DLGAP2: variants seen among roughly 807,000 people sequenced by gnomAD.
The protein encoded by DLGAP2 is disks large-associated protein 2.
Under a neutral mutation model 100.3 loss-of-function variants are expected in DLGAP2, and 26 were observed. The observed-to-expected ratio is 0.26, with a 90% CI of 0.19 to 0.36. The LOEUF is 0.36. Ranked by LOEUF, DLGAP2 falls within the 10% of genes least tolerant of loss-of-function variation. The pLI is 1.00. For missense variants in DLGAP2, 1,858 were observed against 1,453.2 expected (o/e 1.28, Z -4.53); for synonymous variants, 886 against 630.1 (o/e 1.41, Z -6.08).
chr8:1,372,919 G>A (rs1267769644), intron 3 of DLGAP2, among the ~76,000 whole-genome samples: 1 of 152,204 alleles, frequency 6.6e-6, no homozygotes, highest in Non-Finnish European at 1.5e-5. Context: ...TCCGTACGGG[G>A]CACTCTGAGT....
intron 1 of DLGAP2, among the ~76,000 whole-genome samples, chr8:797,824 C>G (rs1267850603): frequency 6.6e-6 from 1 of 152,136 alleles, no homozygotes; most frequent in African/African-American, 2.4e-5. Flanking sequence ...GATCTCTGCT[C>G]ACTGCAACCT....
intron 1 of DLGAP2, among the ~76,000 whole-genome samples, chr8:816,594 A>G (rs10282754): frequency 0.23 from 34,634 of 151,980 alleles, 4,653 homozygotes; most frequent in Non-Finnish European, 0.31. Context: ...GAAATCTGTT[A>G]ATCTGATAGG....
intron 2 of DLGAP2, among the ~76,000 whole-genome samples, chr8:1,213,959 C>G (rs1798160175): frequency 6.6e-6 from 1 of 152,132 alleles, no homozygotes; most frequent in Non-Finnish European, 1.5e-5. Flanking sequence ...TGTAATTTCC[C>G]CATCTCCAGC....
chr8:1,133,719 A>C (rs918197247), intron 2 of DLGAP2, among the ~76,000 whole-genome samples: 5 of 152,246 alleles, frequency 3.3e-5, no homozygotes, highest in African/African-American at 1.2e-4. Flanking sequence ...AATGTAAGCA[A>C]TAGAATTAAG....
intron 1 of DLGAP2, among the ~76,000 whole-genome samples, chr8:899,137 C>T (rs1798202337): frequency 6.6e-6 from 1 of 152,224 alleles, no homozygotes; most frequent in African/African-American, 2.4e-5. Context: ...TGTCTTCACG[C>T]CACTGACGCC....
intron 3 of DLGAP2, among the ~76,000 whole-genome samples, chr8:1,304,597 C>A (rs1206587362): frequency 2.0e-5 from 3 of 152,100 alleles, no homozygotes; most frequent in Non-Finnish European, 4.4e-5. Flanking sequence ...AAGATGAGTA[C>A]AATTGTTCTT....
At chr8:816,305 T>C (rs1796477339) in intron 1 of DLGAP2, among the ~76,000 whole-genome samples, 1 of 151,714 alleles carries the variant, frequency 6.6e-6, no homozygotes, top group African/African-American at 2.4e-5. Flanking sequence ...ATTGTTGTTA[T>C]ATGTAATAGG....
chr8:822,385 TG>T (rs1019612374), intron 1 of DLGAP2, among the ~76,000 whole-genome samples: 48 of 152,170 alleles, frequency 3.2e-4, no homozygotes, highest in African/African-American at 1.1e-3. Flanking sequence ...TGAGTGTTCC[TG>T]GGGCAGAAGC....
intron 1 of DLGAP2, among the ~76,000 whole-genome samples, chr8:804,907 G>C (rs1796239391): frequency 6.6e-6 from 1 of 152,024 alleles, no homozygotes; most frequent in South Asian, 2.1e-4. Context: ...TGGGACTGCA[G>C]GTGTGCACCA....
chr8:884,299 T>A (rs1261540326), intron 1 of DLGAP2, among the ~76,000 whole-genome samples: 2 of 152,148 alleles, frequency 1.3e-5, no homozygotes, highest in Admixed American at 6.5e-5. Context: ...CTCAGCAGTA[T>A]CTCTTGTTTC....
intron 1 of DLGAP2, among the ~76,000 whole-genome samples, chr8:894,843 A>T (rs113752776): frequency 0.27 from 933 of 3,406 alleles, 13 homozygotes; most frequent in Non-Finnish European, 0.32. Context: ...AACAGAGTGG[A>T]GGCTGGCAGG....
chr8:892,751 C>T (rs2128995890), intron 1 of DLGAP2, among the ~76,000 whole-genome samples: 1 of 152,230 alleles, frequency 6.6e-6, no homozygotes, highest in African/African-American at 2.4e-5. Flanking sequence ...GTAGGAGAGG[C>T]CGAGCCAGGC....
At chr8:1,486,215 C>A (rs1799232557) in intron 3 of DLGAP2, among the ~76,000 whole-genome samples, 2 of 152,168 alleles carry the variant, frequency 1.3e-5, no homozygotes, top group South Asian at 4.2e-4. Flanking sequence ...CATTACTTGC[C>A]CCAGATCATA....
chr8:1,663,086 T>A (rs1043147459), intron 8 of DLGAP2, among the ~76,000 whole-genome samples: 1 of 122,790 alleles, frequency 8.1e-6, no homozygotes, highest in African/African-American at 3.3e-5. Context: ...CGTTTGTACA[T>A]GTGTGTGGGG....
intron 3 of DLGAP2, among the ~76,000 whole-genome samples, chr8:1,436,287 A>G: frequency 6.6e-6 from 1 of 152,236 alleles, no homozygotes; most frequent in Admixed American, 6.5e-5. Context: ...TGTGAGTCCA[A>G]GAGTCCAAAA....
intron 1 of DLGAP2, among the ~76,000 whole-genome samples, chr8:798,305 G>T (rs6559182): frequency 0.95 from 135,147 of 142,184 alleles, 64,089 homozygotes; most frequent in East Asian, 0.97. Flanking sequence ...GGCCAGGTGA[G>T]GGGTGCCTGC....
intron 2 of DLGAP2, among the ~76,000 whole-genome samples, chr8:958,164 G>A (rs999212059): frequency 5.3e-5 from 8 of 152,144 alleles, no homozygotes; most frequent in Admixed American, 5.2e-4. Flanking sequence ...GCTTATTTCA[G>A]TTAGCATGAT....
intron 3 of DLGAP2, among the ~76,000 whole-genome samples, chr8:1,303,469 G>T (rs1377109262): frequency 6.6e-6 from 1 of 152,106 alleles, no homozygotes; most frequent in African/African-American, 2.4e-5. Flanking sequence ...TTTCCCATGG[G>T]TGGGAAGGAG....
chr8:1,363,684 G>C (rs917995987), intron 3 of DLGAP2, among the ~76,000 whole-genome samples: 1 of 152,208 alleles, frequency 6.6e-6, no homozygotes, highest in Non-Finnish European at 1.5e-5. Context: ...CAACAGTCAG[G>C]ACATGGAGAG....
Sources: allele counts gnomAD v4.1 joint callset (sites outside exome capture counted in the v4.1 genomes callset), GRCh38; gene constraint gnomAD v4.1.1; transcripts MANE v1.5; gene names NCBI Gene and HGNC (gene_info 2026-07-23, HGNC 2026-07-21).